EEA1: variants seen among roughly 807,000 people sequenced by gnomAD.
EEA1 encodes early endosome antigen 1, also known as early endosome antigen 1, 162kD.
EEA1 carries 111 observed loss-of-function variants against 209.2 expected under a neutral mutation model. The ratio of observed to expected loss-of-function variants is 0.53; its 90% CI spans 0.45 to 0.62. The LOEUF (loss-of-function observed/expected upper bound fraction) is 0.62, where lower values mean the gene tolerates loss of function less well. Among genes scored for constraint, EEA1 ranks in the 20% least tolerant of loss-of-function variants. The probability of loss-of-function intolerance (pLI) is 0.00; values close to 1 mark genes in which losing one functional copy is unlikely to be tolerated. For missense variants in EEA1, 1,343 were observed against 1,530.8 expected, an observed-to-expected ratio of 0.88 and a Z score of 2.05; for synonymous variants, 536 against 540.6, an observed-to-expected ratio of 0.99 and a Z score of 0.12.
intron 14 of EEA1, 46 bp from the exon 15 acceptor site, chr12:92,816,446 C>A: frequency 6.4e-7 from 1 of 1,553,474 alleles, no homozygotes; most frequent in Non-Finnish European, 8.8e-7. Context: ...AATGACATAA[C>A]AAAAATTCAG....
chr12:92,855,101 T>A (rs1275790574), intron 5 of EEA1, among the ~76,000 whole-genome samples: 2 of 149,462 alleles, frequency 1.3e-5, no homozygotes, highest in Non-Finnish European at 3.0e-5. Flanking sequence ...AAACATGCTA[T>A]CAAGCTATCA....
At chr12:92,790,927 G>A (rs911339606) in intron 21 of EEA1, among the ~76,000 whole-genome samples, 8 of 152,142 alleles carry the variant, frequency 5.3e-5, no homozygotes, top group African/African-American at 1.7e-4. Flanking sequence ...CAGATCTCTC[G>A]ACAGAAACCC....
At chr12:92,878,083 T>A (rs1248366274) in intron 2 of EEA1, among the ~76,000 whole-genome samples, 1 of 151,958 alleles carries the variant, frequency 6.6e-6, no homozygotes, top group East Asian at 1.9e-4. Flanking sequence ...CTTATGATCA[T>A]CTAGGTGACC....
chr12:92,795,574 G>C (rs1255077192), intron 21 of EEA1, among the ~76,000 whole-genome samples: 1 of 152,182 alleles, frequency 6.6e-6, no homozygotes, highest in Non-Finnish European at 1.5e-5. Context: ...AAGAGAAAAA[G>C]AAAGTCTGGA....
chr12:92,848,505 T>C (rs1398572428), intron 9 of EEA1, among the ~76,000 whole-genome samples: 1 of 152,008 alleles, frequency 6.6e-6, no homozygotes, highest in Non-Finnish European at 1.5e-5. Context: ...ACTCTAATCA[T>C]AGCTTTTTCA....
Position 92,851,312 on chromosome 12 carries a change from A to G in EEA1, c.643-46T>C, listed in dbSNP as rs553185043. 14 of 1,534,026 alleles carry G rather than the reference A, an allele frequency of 9.1e-6. No individual in the cohort carries two copies. The African/African-American group carries it at 2.0e-4, about 21-fold the overall frequency. On this transcript the variant is annotated intron_variant, in intron 8 of 28. Coordinates refer to ENST00000322349, the MANE Select transcript of EEA1 (RefSeq NM_003566.4). ...ATTAAAAATTAAAGTGAAAAACTAAAATAATACACATTTTTAGAATCATTT... is the reference window on the plus strand; with the variant it reads ...ATTAAAAATTAAAGTGAAAAACTAAGATAATACACATTTTTAGAATCATTT...
rs551828614 is a variant in EEA1, at chr12:92,784,984, A to G, written c.3151-2849T>C. Among the ~76,000 whole-genome samples the G allele has an allele frequency of 2.0e-5, 3 of 150,550 alleles. No individual in the cohort carries two copies. In the East Asian group the frequency reaches 6.1e-4, roughly 30 times the overall value. On this transcript the variant is annotated intron_variant, in intron 22 of 28. Coordinates refer to ENST00000322349, the MANE Select transcript of EEA1 (RefSeq NM_003566.4). ...AATGATTTCTGCAGTGTTCCATGGT[A>G]GCTGTTGTTTTTGTCTATTCAGCAA...
chr12:92,928,948 A>C, intron 1 of EEA1, 95 bp downstream of exon 1: 1 of 1,333,724 alleles, frequency 7.5e-7, no homozygotes, highest in East Asian at 3.3e-5. Flanking sequence ...CTAGGGAAGG[A>C]AGGAGCCCGC....
intron 2 of EEA1, 94 bp downstream of exon 2, chr12:92,891,535 G>T: frequency 1.0e-6 from 1 of 964,712 alleles, no homozygotes; most frequent in Non-Finnish European, 1.5e-6. Flanking sequence ...AAACTTGTGA[G>T]AACTTTTCCT....
chr12:92,875,195 T>C (rs1256547074), intron 2 of EEA1, among the ~76,000 whole-genome samples: 1 of 152,128 alleles, frequency 6.6e-6, no homozygotes, highest in Non-Finnish European at 1.5e-5. Flanking sequence ...CTCATGCCTA[T>C]AATCCTAGCA....
intron 18 of EEA1, among the ~76,000 whole-genome samples, chr12:92,808,315 A>G (rs1032133410): frequency 6.6e-6 from 1 of 151,790 alleles, no homozygotes; most frequent in African/African-American, 2.4e-5. Flanking sequence ...GATACACAGA[A>G]TATACACTGA....
rs571849247 is a variant in EEA1 at position 92,913,155 on chromosome 12, C to T, written c.24+15888G>A. Among the ~76,000 whole-genome samples, 4 of 152,328 alleles carry T rather than the reference C, an allele frequency of 2.6e-5. No homozygotes were observed. In the South Asian group the frequency reaches 8.3e-4, roughly 32 times the overall value. ...CAGAGGCTGTACTAATTTACATTCCCATCAACAATGTATGGGCATTCCCTT... is the reference window on the plus strand; with the variant it reads ...CAGAGGCTGTACTAATTTACATTCCTATCAACAATGTATGGGCATTCCCTT... On this transcript the variant is annotated intron_variant, in intron 1 of 28. Coordinates refer to ENST00000322349, the MANE Select transcript of EEA1 (RefSeq NM_003566.4).
Position 92,816,197 on chromosome 12 carries a change from T to C in EEA1, c.1929+3A>G. The C allele has an allele frequency of 1.2e-6, 2 of 1,609,662 alleles. No individual in the cohort carries two copies. Among genetic ancestry groups the C allele is most frequent in the Non-Finnish European group, 1.7e-6 (2 of 1,176,364 alleles). On this transcript the variant is annotated splice_donor_region_variant and intron_variant, in intron 15 of 28. Transcript: ENST00000322349. The stretch of plus-strand genomic sequence containing the variant: ...TTTACACAAACATTAAATTTAATAT[T>C]ACCTGTATGTCAAGCTGGGAGACCT...
intron 1 of EEA1, among the ~76,000 whole-genome samples, chr12:92,907,439 C>A (rs1483580038): frequency 6.6e-6 from 1 of 152,204 alleles, no homozygotes; most frequent in African/African-American, 2.4e-5. Context: ...TTGCCTAAAT[C>A]CAAGGCATCA....
Position 92,826,190 on chromosome 12 carries a change from G to T in EEA1, c.1500C>A (p.Thr500=), listed in dbSNP as rs1166903919. The T allele has an allele frequency of 6.8e-6, 11 of 1,613,000 alleles. No homozygotes were observed. Among genetic ancestry groups the T allele is most frequent in the Non-Finnish European group, 9.3e-6 (11 of 1,179,438 alleles). ...CCTGAGCTTCTCGAAGTTTTGCCGTGGTGCTTTGCTGAAGAGCCTGTTGTT... is the reference window on the plus strand; with the variant it reads ...CCTGAGCTTCTCGAAGTTTTGCCGTTGTGCTTTGCTGAAGAGCCTGTTGTT... ...HQEQQALQQS[T]TAKLREAQND... is the part of the protein sequence containing the mutation. The change falls in exon 13 of 29, where the codon ACC becomes ACA. Residue 500 remains threonine, a synonymous_variant. Coordinates refer to ENST00000322349, the MANE Select transcript of EEA1 (RefSeq NM_003566.4).
chr12:92,842,563 T>C lies in EEA1; in HGVS notation c.817A>G (p.Arg273Gly). 6.2e-7 allele frequency: 1 copy of C among 1,600,470 alleles called. No homozygotes were observed. The highest frequency in any genetic ancestry group is 1.1e-5 in the South Asian group (1 of 88,060). Reference sequence around the variant, plus strand: ...TGGGGGCCTTTGGCAAGTTCACTCCTTAGCTGGCTTATTGTGGCCTAACAA... The same window carrying C: ...TGGGGGCCTTTGGCAAGTTCACTCCCTAGCTGGCTTATTGTGGCCTAACAA... ...ASSEATISQL[R>G]SELAKGPQEV... is the part of the protein sequence containing the mutation. Residue 273 changes from arginine (R) to glycine (G), a missense_variant, in exon 10 of 29, where the codon AGG (arginine) becomes GGG (glycine). Transcript: ENST00000322349.
At chr12:92,852,102 C>T in intron 8 of EEA1, 73 bp downstream of exon 8, 9 of 1,203,812 alleles carry the variant, frequency 7.5e-6, no homozygotes, top group Admixed American at 2.9e-5. Flanking sequence ...AAACATTTTC[C>T]TTCAGGGTAT....
intron 1 of EEA1, among the ~76,000 whole-genome samples, chr12:92,922,984 T>TAAAAA (rs1268464818): frequency 1.3e-5 from 2 of 151,226 alleles, no homozygotes; most frequent in Middle Eastern, 3.2e-3. Context: ...TAAAATAAAA[T>TAAAAA]AAAATAAAAT....
intron 5 of EEA1, among the ~76,000 whole-genome samples, chr12:92,856,458 T>C (rs1877884937): frequency 6.6e-6 from 1 of 152,130 alleles, no homozygotes; most frequent in Non-Finnish European, 1.5e-5. Context: ...ATACAGAATA[T>C]GAGTGTGTGT....
Sources: gnomAD v4.1 joint callset for allele counts (sites outside exome capture counted in the v4.1 genomes callset) on GRCh38, gnomAD v4.1.1 for gene constraint, MANE v1.5 for transcripts, NCBI Gene and HGNC (gene_info 2026-07-23, HGNC 2026-07-21) for gene names.